CREB1: variants seen among roughly 807,000 people sequenced by gnomAD.
CREB1 encodes the protein cyclic AMP-responsive element-binding protein 1.
CREB1 carries 2 observed loss-of-function variants against 42.0 expected under a neutral mutation model. The observed-to-expected ratio is 0.05, with a 90% CI of 0.02 to 0.15. The LOEUF is 0.15. Ranked by LOEUF, CREB1 falls within the 10% of genes least tolerant of loss-of-function variation. The probability of loss-of-function intolerance (pLI) is 1.00; values close to 1 mark genes in which losing one functional copy is unlikely to be tolerated. For missense variants in CREB1, 199 were observed against 388.9 expected (o/e 0.51, Z 4.11); for synonymous variants, 123 against 139.9 (o/e 0.88, Z 0.85).
rs2087753020 is a variant in CREB1, at chr2:207,604,605, T to C, written c.*7547T>C. Among the ~76,000 whole-genome samples the C allele has an allele frequency of 6.6e-6, 1 of 152,238 alleles. No individual in the cohort carries two copies. Among genetic ancestry groups the C allele is most frequent in the African/African-American group, 2.4e-5 (1 of 41,462 alleles). On this transcript the variant is annotated 3_prime_UTR_variant, in exon 8 of 8. Coordinates refer to ENST00000353267, the MANE Select transcript of CREB1 (RefSeq NM_004379.5). ...ATGTTATCCTTGTTTTTAATTAAGA[T>C]GCAATTCACATAAATTAACTTTTTA...
chr2:207,570,777 G>A (rs2082322578), intron 5 of CREB1, among the ~76,000 whole-genome samples: 1 of 152,122 alleles, frequency 6.6e-6, no homozygotes, highest in Admixed American at 6.5e-5. Context: ...GATAAGCATG[G>A]CTTGGTTGAG....
chr2:207,558,234 G>C (rs992225259), intron 2 of CREB1, among the ~76,000 whole-genome samples: 1 of 152,074 alleles, frequency 6.6e-6, no homozygotes, highest in Non-Finnish European at 1.5e-5. Flanking sequence ...TTCCCCCCAG[G>C]CTTCACAGTC....
intron 1 of CREB1, among the ~76,000 whole-genome samples, chr2:207,541,478 A>G (rs2106372087): frequency 6.6e-6 from 1 of 152,278 alleles, no homozygotes; most frequent in East Asian, 1.9e-4. Context: ...ACATTTCCCC[A>G]CAGTGTTCAG....
In CREB1 at chr2:207,602,886, T is replaced by C. The variant is rs896271000; in HGVS notation, c.*5828T>C. On this transcript the variant is annotated 3_prime_UTR_variant, in exon 8 of 8. Transcript: ENST00000353267. The stretch of plus-strand genomic sequence containing the variant: ...GATTTGTCCACATGTCAGTTGTAAC[T>C]CCCCCACTCCCTGCAAAAGGAATTA... 9.2e-6 allele frequency: 2 copies of C among 217,256 alleles called. No homozygotes were observed. The highest frequency in any genetic ancestry group is 1.9e-5 in the Non-Finnish European group (2 of 108,106). 13.5% of individuals were successfully genotyped at this position (217,256 alleles called of 1,614,324 possible). A position where few individuals can be genotyped will look rare whatever the true frequency, so the allele number is the denominator to read the frequency against.
At chr2:207,545,314 T>C (rs540998935) in intron 1 of CREB1, among the ~76,000 whole-genome samples, 1 of 152,242 alleles carries the variant, frequency 6.6e-6, no homozygotes, top group Non-Finnish European at 1.5e-5. Context: ...TTCAAGTGAT[T>C]CTCCTGCCTC....
chr2:207,534,725 ATAAG>A (rs1359155671), intron 1 of CREB1: 2 of 152,246 alleles, frequency 1.3e-5, no homozygotes, highest in East Asian at 1.9e-4. Flanking sequence ...GGTTTTTTGA[ATAAG>A]TAATTCATTC....
At chr2:207,587,957 C>G (rs1197856108) in intron 7 of CREB1, among the ~76,000 whole-genome samples, 1 of 152,146 alleles carries the variant, frequency 6.6e-6, no homozygotes, top group African/African-American at 2.4e-5. Context: ...TGAATGTTCA[C>G]AACCCAACAA....
At chr2:207,596,666 C>T (rs757090171) in intron 7 of CREB1, among the ~76,000 whole-genome samples, 3 of 152,188 alleles carry the variant, frequency 2.0e-5, no homozygotes, top group Non-Finnish European at 4.4e-5. Context: ...CTCCTGACCT[C>T]AGGTGATCTC....
chr2:207,567,141 AG>A (rs1376504115), intron 3 of CREB1, among the ~76,000 whole-genome samples: 2 of 152,180 alleles, frequency 1.3e-5, no homozygotes, highest in African/African-American at 4.8e-5. Flanking sequence ...CCTTTATATC[AG>A]AAACCTTATT....
chr2:207,578,270 C>T (rs964283168), intron 7 of CREB1, among the ~76,000 whole-genome samples: 6 of 152,042 alleles, frequency 3.9e-5, no homozygotes, highest in Non-Finnish European at 7.4e-5. Context: ...AACTTTATTG[C>T]TGTAAATGAT....
chr2:207,569,312 G>C (rs1276299901), intron 4 of CREB1, among the ~76,000 whole-genome samples: 2 of 152,084 alleles, frequency 1.3e-5, no homozygotes, highest in Non-Finnish European at 2.9e-5. Context: ...ATTGAGGCAC[G>C]AACACCCATA....
intron 3 of CREB1, chr2:207,561,262 C>T: frequency 9.5e-7 from 1 of 1,057,378 alleles, no homozygotes. Context: ...CATGGAATTT[C>T]AACACTTGAA....
chr2:207,555,827 A>G, intron 2 of CREB1, 78 bp downstream of exon 2: 1 of 791,798 alleles, frequency 1.3e-6, no homozygotes, highest in Non-Finnish European at 2.1e-6. Context: ...AGTTGTTATT[A>G]CATAGATATA....
chr2:207,575,526 A>AGT (rs2082538304), intron 6 of CREB1, 72 bp downstream of exon 6: 3 of 1,337,778 alleles, frequency 2.2e-6, no homozygotes, highest in Non-Finnish European at 3.1e-6. Flanking sequence ...TCACAGAAAA[A>AGT]GTAAGTATCA....
chr2:207,596,808 G>T (rs1174152181), intron 7 of CREB1, 106 bp from the exon 8 acceptor site: 2 of 1,258,190 alleles, frequency 1.6e-6, no homozygotes, highest in Non-Finnish European at 2.2e-6. Context: ...ATACTAAAAT[G>T]TTGGTTGCTG....
rs1037519299 is a variant in CREB1 at position 207,604,848 on chromosome 2, C to T, written c.*7790C>T. ...CTCATACACTGTGTATTACTTCTTTCGTCTAGCTTTAATGTGTTGTTGAGG... is the reference window on the plus strand; with the variant it reads ...CTCATACACTGTGTATTACTTCTTTTGTCTAGCTTTAATGTGTTGTTGAGG... On this transcript the variant is annotated 3_prime_UTR_variant, in exon 8 of 8. Coordinates refer to ENST00000353267, the MANE Select transcript of CREB1 (RefSeq NM_004379.5). Among the ~76,000 whole-genome samples the T allele has an allele frequency of 1.3e-4, 20 of 152,178 alleles. No individual in the cohort carries two copies. The highest frequency in any genetic ancestry group is 5.9e-5 in the Non-Finnish European group (4 of 68,040).
At chr2:207,582,240 C>A in intron 7 of CREB1, 1 of 699,218 alleles carries the variant, frequency 1.4e-6, no homozygotes, top group Non-Finnish European at 2.6e-6. Context: ...AGAAGAAGTA[C>A]TTGGAGGCTA....
chr2:207,558,134 G>C (rs2081805869), intron 2 of CREB1, among the ~76,000 whole-genome samples: 1 of 152,190 alleles, frequency 6.6e-6, no homozygotes, highest in African/African-American at 2.4e-5. Flanking sequence ...CAGAGAGAAA[G>C]TGATTAATAA....
chr2:207,548,772 C>T (rs189453540), intron 1 of CREB1, among the ~76,000 whole-genome samples: 1 of 151,932 alleles, frequency 6.6e-6, no homozygotes, highest in Non-Finnish European at 1.5e-5. Flanking sequence ...CCGCTCCCCC[C>T]CAAAAAGATT....
Sources: allele counts gnomAD v4.1 joint callset (sites outside exome capture counted in the v4.1 genomes callset), GRCh38; gene constraint gnomAD v4.1.1; transcripts MANE v1.5; gene names NCBI Gene and HGNC (gene_info 2026-07-23, HGNC 2026-07-21).